ATP8A2: variants seen among roughly 807,000 people sequenced by gnomAD.
The protein encoded by ATP8A2 is phospholipid-transporting ATPase IB.
Under a neutral mutation model 165.6 loss-of-function variants are expected in ATP8A2, and 100 were observed. The observed-to-expected ratio is 0.60, with a 90% CI of 0.51 to 0.71. ATP8A2 has a LOEUF of 0.71. Among genes scored for constraint, ATP8A2 ranks in the 30% least tolerant of loss-of-function variants. The probability of loss-of-function intolerance (pLI) is 0.00; values close to 1 mark genes in which losing one functional copy is unlikely to be tolerated. For synonymous variants in ATP8A2, 543 were observed against 548.8 expected (o/e 0.99, Z 0.15); for missense variants, 1,227 against 1,479.5 (o/e 0.83, Z 2.80).
At chr13:25,776,816 C>T (rs924900342) in intron 27 of ATP8A2, among the ~76,000 whole-genome samples, 4 of 152,176 alleles carry the variant, frequency 2.6e-5, no homozygotes, top group African/African-American at 7.2e-5. Context: ...CTGGCTTTCA[C>T]GGTTTCTTAA....
chr13:25,910,880 A>G (rs1317794407), intron 33 of ATP8A2, among the ~76,000 whole-genome samples: 1 of 151,834 alleles, frequency 6.6e-6, no homozygotes, highest in African/African-American at 2.4e-5. Context: ...TCCGCCTGAG[A>G]GATTTGTTTA....
chr13:25,837,215 C>T lies in ATP8A2; in HGVS notation c.2807C>T (p.Thr936Ile). 6.2e-7 allele frequency: 1 copy of T among 1,614,078 alleles called. No individual in the cohort carries two copies. Among genetic ancestry groups the T allele is most frequent in the Non-Finnish European group, 8.5e-7 (1 of 1,180,002 alleles). Residue 936 changes from threonine (T) to isoleucine (I), a missense_variant, in exon 29 of 37, where the codon ACT (threonine) becomes ATT (isoleucine). Coordinates refer to ENST00000381655, the MANE Select transcript of ATP8A2 (RefSeq NM_016529.6). ...FTLGIFERSC[T>I]QESMLRFPQL... ...CTGGGAATCTTTGAGAGGTCTTGCA[C>T]TCAGGAGAGCATGCTCAGGTTTCCC... is the stretch of plus-strand genomic sequence containing the variant.
chr13:25,928,199 G>A (rs182560825), intron 33 of ATP8A2, among the ~76,000 whole-genome samples: 6 of 152,286 alleles, frequency 3.9e-5, no homozygotes, highest in Non-Finnish European at 8.8e-5. Flanking sequence ...GATGGCCAGG[G>A]GGCCTGTGTT....
chr13:26,019,796 G>T, intron 36 of ATP8A2, 92 bp from the exon 37 acceptor site: 1 of 836,902 alleles, frequency 1.2e-6, no homozygotes, highest in South Asian at 1.5e-5. Flanking sequence ...GCACTCACCC[G>T]CACGCTGCCA....
At chr13:25,657,669 T>C (rs2041962968) in intron 24 of ATP8A2, among the ~76,000 whole-genome samples, 1 of 152,168 alleles carries the variant, frequency 6.6e-6, no homozygotes, top group African/African-American at 2.4e-5. Context: ...ATGATCTATG[T>C]AACACACAAA....
In ATP8A2 at chr13:25,751,827, G is replaced by C. The variant is rs553760623; in HGVS notation, c.2385-17219G>C. Among the ~76,000 whole-genome samples the C allele has an allele frequency of 1.3e-4, 19 of 151,594 alleles. No homozygotes were observed. In the South Asian group the frequency reaches 4.0e-3, roughly 32 times the overall value. On this transcript the variant is annotated intron_variant, in intron 25 of 36. Transcript: ENST00000381655. ...TATAAGCAGAAATAATAAAATGAAG[G>C]AATAATACACCCAAATCAGAGATAA...
chr13:25,996,646 C>T (rs1300507007), intron 35 of ATP8A2, among the ~76,000 whole-genome samples: 1 of 152,200 alleles, frequency 6.6e-6, no homozygotes, highest in Middle Eastern at 3.2e-3. Flanking sequence ...CTGCCTCAGC[C>T]TCCTAAGTAG....
intron 30 of ATP8A2, among the ~76,000 whole-genome samples, chr13:25,842,776 A>G (rs1032905686): frequency 6.6e-6 from 1 of 151,946 alleles, no homozygotes; most frequent in Non-Finnish European, 1.5e-5. Context: ...GGAAAGAAGG[A>G]GGGAAAAAGA....
At chr13:25,937,344 T>G (rs306405) in intron 33 of ATP8A2, among the ~76,000 whole-genome samples, 14 of 137,972 alleles carry the variant, frequency 1.0e-4, no homozygotes, top group Non-Finnish European at 1.5e-5. Context: ...TTTTGCTTTG[T>G]CTTTCTATTC....
chr13:25,690,077 A>G (rs1264290641), intron 24 of ATP8A2, among the ~76,000 whole-genome samples: 1 of 152,116 alleles, frequency 6.6e-6, no homozygotes, highest in African/African-American at 2.4e-5. Flanking sequence ...TAAGCATATT[A>G]GGGTTGCTAT....
At chr13:25,399,535 A>G (rs1282157720) in intron 1 of ATP8A2, among the ~76,000 whole-genome samples, 1 of 108,636 alleles carries the variant, frequency 9.2e-6, no homozygotes, top group Non-Finnish European at 1.9e-5. Flanking sequence ...AGTAGCTGGG[A>G]CTACAGGAGC....
At chr13:26,012,218 A>G (rs1441046266) in intron 35 of ATP8A2, among the ~76,000 whole-genome samples, 1 of 152,132 alleles carries the variant, frequency 6.6e-6, no homozygotes, top group Non-Finnish European at 1.5e-5. Flanking sequence ...GTTTACCCGG[A>G]AACAGGCCTC....
At chr13:25,881,856 T>A (rs1952988658) in intron 33 of ATP8A2, among the ~76,000 whole-genome samples, 1 of 152,190 alleles carries the variant, frequency 6.6e-6, no homozygotes, top group Non-Finnish European at 1.5e-5. Flanking sequence ...AGAGTCTACA[T>A]TTTAACTAAG....
At position 25,951,941 on chromosome 13, in the gene ATP8A2, G is replaced by A. The variant is rs55757097; in HGVS notation, c.3184-9634G>A. Among the ~76,000 whole-genome samples, 152 of 152,276 alleles carry A rather than the reference G, an allele frequency of 1.0e-3. No homozygotes were observed. The Middle Eastern group carries it at 0.024, about 24-fold the overall frequency. On this transcript the variant is annotated intron_variant, in intron 33 of 36. Transcript: ENST00000381655. ...CAGTTGCAGGTGACAGGGATGTTAA[G>A]TTGGCAGATTTTTGTGCTAGAAGCT... is the stretch of plus-strand genomic sequence containing the variant.
At chr13:25,602,877 C>A (rs575021034) in intron 24 of ATP8A2, among the ~76,000 whole-genome samples, 2 of 152,052 alleles carry the variant, frequency 1.3e-5, no homozygotes, top group South Asian at 4.2e-4. Context: ...CAAGACCAGC[C>A]TGGCCAATAT....
chr13:25,449,256 T>C (rs1363057726), intron 1 of ATP8A2, among the ~76,000 whole-genome samples: 1 of 152,240 alleles, frequency 6.6e-6, no homozygotes, highest in East Asian at 1.9e-4. Context: ...ATTTAAGCTA[T>C]AGATTTCTAA....
intron 33 of ATP8A2, among the ~76,000 whole-genome samples, chr13:25,941,108 G>C (rs141296591): frequency 3.9e-4 from 59 of 152,268 alleles, no homozygotes; most frequent in African/African-American, 1.4e-3. Context: ...TCCAGGAAGG[G>C]AGATCCACGG....
chr13:25,388,107 T>C (rs1047065380), intron 1 of ATP8A2, among the ~76,000 whole-genome samples: 2 of 151,948 alleles, frequency 1.3e-5, no homozygotes, highest in Admixed American at 6.6e-5. Flanking sequence ...GTTATTTTTA[T>C]GGTGAGGGCT....
chr13:25,649,282 G>A (rs962240638), intron 24 of ATP8A2, among the ~76,000 whole-genome samples: 3 of 152,150 alleles, frequency 2.0e-5, no homozygotes, highest in Non-Finnish European at 4.4e-5. Context: ...GAATTCACAT[G>A]GGGCAGCTGG....
Sources: allele counts gnomAD v4.1 joint callset (sites outside exome capture counted in the v4.1 genomes callset), GRCh38; gene constraint gnomAD v4.1.1; transcripts MANE v1.5; gene names NCBI Gene and HGNC (gene_info 2026-07-23, HGNC 2026-07-21).